The following TMEM135 variants were observed in gnomAD, a reference collection of about 807,000 sequenced individuals.
The protein encoded by TMEM135 is transmembrane protein 135, also known as peroxisomal membrane protein 52.
TMEM135 carries 30 observed loss-of-function variants against 60.3 expected under a neutral mutation model. The ratio of observed to expected loss-of-function variants is 0.50; its 90% CI spans 0.37 to 0.68. The LOEUF is 0.68. TMEM135 is among the 30% of genes least tolerant of loss of function. The pLI is 0.00. For synonymous variants in TMEM135, 190 were observed against 186.7 expected (o/e 1.02, Z -0.14); for missense variants, 468 against 548.8 (o/e 0.85, Z 1.47).
intron 3 of TMEM135, among the ~76,000 whole-genome samples, chr11:87,087,166 G>A (rs1056867596): frequency 6.6e-6 from 1 of 152,056 alleles, no homozygotes; most frequent in African/African-American, 2.4e-5. Flanking sequence ...ACAAAACATG[G>A]GGGTAAGAAC....
chr11:87,163,715 T>G (rs1002498441), intron 5 of TMEM135, among the ~76,000 whole-genome samples: 1 of 149,416 alleles, frequency 6.7e-6, no homozygotes, highest in African/African-American at 2.5e-5. Flanking sequence ...TCCTGACTTT[T>G]TAATGATTGC....
intron 4 of TMEM135, among the ~76,000 whole-genome samples, chr11:87,115,582 T>G (rs768452004): frequency 3.9e-5 from 6 of 152,160 alleles, no homozygotes; most frequent in Non-Finnish European, 7.4e-5. Flanking sequence ...ATTTAATGGT[T>G]TAATTGGCAT....
At chr11:87,111,408 G>A (rs527826686) in intron 4 of TMEM135, among the ~76,000 whole-genome samples, 2 of 152,134 alleles carry the variant, frequency 1.3e-5, no homozygotes, top group South Asian at 4.2e-4. Context: ...AGCACTTTGG[G>A]AGGCTGAGGC....
intron 3 of TMEM135, 81 bp from the exon 4 acceptor site, chr11:87,091,281 T>C: frequency 7.9e-7 from 1 of 1,267,558 alleles, no homozygotes; most frequent in Non-Finnish European, 1.1e-6. Context: ...ATATAATTCT[T>C]TTTATAGACT....
At chr11:87,062,255 C>T (rs893194620) in intron 1 of TMEM135, among the ~76,000 whole-genome samples, 14 of 151,998 alleles carry the variant, frequency 9.2e-5, no homozygotes, top group African/African-American at 2.4e-4. Flanking sequence ...CCGCCCACCT[C>T]GGCCTCCCAT....
chr11:87,318,670 T>C (rs1320077628), intron 13 of TMEM135, among the ~76,000 whole-genome samples: 1 of 152,062 alleles, frequency 6.6e-6, no homozygotes, highest in Admixed American at 6.6e-5. Context: ...TTGTTCAATC[T>C]CTGAATTCTG....
intron 5 of TMEM135, among the ~76,000 whole-genome samples, chr11:87,166,269 G>A (rs970124807): frequency 2.6e-5 from 4 of 151,782 alleles, no homozygotes; most frequent in African/African-American, 9.7e-5. Context: ...TGTTTGCTCT[G>A]ATGATAGTTT....
In TMEM135 at chr11:87,171,678, T is replaced by C. The variant is rs566790564; in HGVS notation, c.462+14272T>C. Among the ~76,000 whole-genome samples, 13 of 152,324 alleles carry C rather than the reference T, an allele frequency of 8.5e-5. 2 individuals are homozygous for C. In the South Asian group the frequency reaches 2.7e-3, roughly 32 times the overall value. On this transcript the variant is annotated intron_variant, in intron 5 of 14. Transcript: ENST00000305494. ...GATGATCTTTAAGGTCCTATATGGC[T>C]TTAACATTTTCTGCTTACAGGCAGC...
intron 5 of TMEM135, among the ~76,000 whole-genome samples, chr11:87,228,209 G>T (rs1940808134): frequency 6.6e-6 from 1 of 152,096 alleles, no homozygotes; most frequent in Non-Finnish European, 1.5e-5. Flanking sequence ...TCAAGTATTA[G>T]GTAGTTATTT....
At chr11:87,298,552 G>C (rs552054126) in intron 7 of TMEM135, among the ~76,000 whole-genome samples, 6 of 152,086 alleles carry the variant, frequency 3.9e-5, no homozygotes, top group Non-Finnish European at 7.3e-5. Context: ...ACTTTGGGAG[G>C]CCAAGGCGGG....
chr11:87,273,772 AAT>A (rs1941914955), intron 6 of TMEM135, among the ~76,000 whole-genome samples: 1 of 152,220 alleles, frequency 6.6e-6, no homozygotes, highest in Non-Finnish European at 1.5e-5. Flanking sequence ...AAATCTTTAT[AAT>A]AAATCTTTTA....
intron 5 of TMEM135, among the ~76,000 whole-genome samples, chr11:87,169,722 C>G (rs998537672): frequency 6.6e-6 from 1 of 152,258 alleles, no homozygotes; most frequent in East Asian, 1.9e-4. Flanking sequence ...TTCTCTCTGG[C>G]TGCCCTTAAC....
intron 4 of TMEM135, among the ~76,000 whole-genome samples, chr11:87,115,596 C>G (rs187519217): frequency 6.6e-6 from 1 of 152,124 alleles, no homozygotes; most frequent in Non-Finnish European, 1.5e-5. Context: ...TTGGCATAGA[C>G]TTTTCTATTA....
chr11:87,075,290 C>G (rs528670466), intron 3 of TMEM135, among the ~76,000 whole-genome samples: 4 of 151,594 alleles, frequency 2.6e-5, no homozygotes, highest in Non-Finnish European at 4.4e-5. Context: ...TGCCGAGTAG[C>G]TGGGACTATA....
chr11:87,038,016 C>G lies in TMEM135; in HGVS notation c.-30C>G, dbSNP rs779983417. ...CTCCCTGCAGGGCTCAGGCTCTCCCCCTCCTGTCTTCTCCGCGCTGTTCCT... is the reference window on the plus strand; with the variant it reads ...CTCCCTGCAGGGCTCAGGCTCTCCCGCTCCTGTCTTCTCCGCGCTGTTCCT... On this transcript the variant is annotated 5_prime_UTR_variant, in exon 1 of 15. Coordinates refer to ENST00000305494, the MANE Select transcript of TMEM135 (RefSeq NM_022918.4). 3 of 1,613,146 alleles carry G rather than the reference C, an allele frequency of 1.9e-6. No homozygotes were observed. The highest frequency in any genetic ancestry group is 1.7e-5 in the Admixed American group (1 of 60,014).
At chr11:87,089,951 A>G (rs1006933423) in intron 3 of TMEM135, among the ~76,000 whole-genome samples, 4 of 152,142 alleles carry the variant, frequency 2.6e-5, no homozygotes, top group African/African-American at 9.7e-5. Flanking sequence ...TCAGGAGTAC[A>G]TGTGTAGAAT....
At chr11:87,169,923 A>G (rs1198516802) in intron 5 of TMEM135, among the ~76,000 whole-genome samples, 2 of 151,778 alleles carry the variant, frequency 1.3e-5, no homozygotes, top group Admixed American at 6.6e-5. Context: ...TCTCCCCATC[A>G]TTTTCAGGTA....
intron 4 of TMEM135, chr11:87,096,557 T>G (rs970962708): frequency 9.2e-5 from 14 of 152,288 alleles, no homozygotes; most frequent in African/African-American, 3.1e-4. Flanking sequence ...TTGGAATAGT[T>G]AAAACCATGT....
chr11:87,067,925 C>T lies in TMEM135; in HGVS notation c.269+104C>T, dbSNP rs565120244. On this transcript the variant is annotated intron_variant, in intron 2 of 14. Transcript: ENST00000305494. Reference sequence around the variant, plus strand: ...TTATGTGGGTTACTATCCCCGCCCCCCCTTTTTTTAATCTGTGAAGTGACA... The same window carrying T: ...TTATGTGGGTTACTATCCCCGCCCCTCCTTTTTTTAATCTGTGAAGTGACA... 739 of 1,414,084 alleles carry T rather than the reference C, an allele frequency of 5.2e-4. 2 individuals carry two copies. The highest frequency in any genetic ancestry group is 8.2e-4 in the Admixed American group (45 of 54,848). 87.6% of individuals were successfully genotyped at this position (1,414,084 alleles called of 1,614,324 possible).
Sources: allele counts gnomAD v4.1 joint callset (sites outside exome capture counted in the v4.1 genomes callset), GRCh38; gene constraint gnomAD v4.1.1; transcripts MANE v1.5; gene names NCBI Gene and HGNC (gene_info 2026-07-23, HGNC 2026-07-21).